MAP2: variants seen among roughly 807,000 people sequenced by gnomAD.
MAP2 encodes the protein microtubule-associated protein 2.
In MAP2, 14 loss-of-function variants were observed where a neutral mutation model predicts 137.6. That is an observed-to-expected ratio of 0.10 (90% CI 0.07 to 0.16). The LOEUF (loss-of-function observed/expected upper bound fraction) is 0.16, where lower values mean the gene tolerates loss of function less well. Ranked by LOEUF, MAP2 falls within the 10% of genes least tolerant of loss-of-function variation. The pLI, the probability that MAP2 is intolerant of heterozygous loss-of-function variation, is 1.00. For synonymous variants in MAP2, 786 were observed against 782.3 expected, an observed-to-expected ratio of 1.00 and a Z score of -0.08; for missense variants, 2,088 against 2,191.5, an observed-to-expected ratio of 0.95 and a Z score of 0.94.
Position 209,693,900 on chromosome 2 carries a change from C to T in MAP2, c.1730C>T (p.Ala577Val), listed in dbSNP as rs1224019812. 1.2e-6 allele frequency: 2 copies of T among 1,610,750 alleles called. No homozygotes were observed. Among genetic ancestry groups the T allele is most frequent in the African/African-American group, 2.7e-5 (2 of 74,648 alleles). ...ATGTCCAAGTACTTTGAAACATCTG[C>T]CTTGAAAGAAGAAGCAACAAAAAGC... The part of the protein sequence containing the change: ...SGMSKYFETS[A>V]LKEEATKSIE... Residue 577 changes from alanine to valine, a missense_variant, in exon 8 of 16, where the codon GCC becomes GTC. Coordinates refer to ENST00000682079, the MANE Select transcript of MAP2 (RefSeq NM_001375505.1).
At chr2:209,729,009 A>T (rs1352154221) in intron 14 of MAP2, among the ~76,000 whole-genome samples, 2 of 152,226 alleles carry the variant, frequency 1.3e-5, no homozygotes, top group Non-Finnish European at 2.9e-5. Context: ...GGACAGGCTC[A>T]AGGACAACGA....
chr2:209,692,773 A>G lies in MAP2; in HGVS notation c.603A>G (p.Pro201=), dbSNP rs781429450. Residue 201 remains proline (P), a synonymous_variant, in exon 8 of 16, where the codon CCA becomes CCG. Coordinates refer to ENST00000682079, the MANE Select transcript of MAP2 (RefSeq NM_001375505.1). ...DLKHAALVSQ[P]ETTKTYPDKK... ...AACATGCTGCCTTAGTTTCTCAGCC[A>G]GAGACAACTAAAACTTACCCTGATA... 1 of 1,614,086 alleles carries G rather than the reference A, an allele frequency of 6.2e-7. No homozygotes were observed. Among genetic ancestry groups the G allele is most frequent in the Non-Finnish European group, 8.5e-7 (1 of 1,179,966 alleles).
intron 1 of MAP2, among the ~76,000 whole-genome samples, chr2:209,497,174 G>T (rs564232261): frequency 6.6e-6 from 1 of 152,280 alleles, no homozygotes; most frequent in African/African-American, 2.4e-5. Context: ...GTGCCCGTGT[G>T]ACTGTTTAAA....
intron 2 of MAP2, 150 bp downstream of exon 2, chr2:209,507,791 A>G (rs1432982894): frequency 1.3e-5 from 2 of 152,160 alleles, no homozygotes; most frequent in Admixed American, 6.6e-5. Context: ...GAGTTGGCCT[A>G]CTAGCAAACA....
intron 13 of MAP2, 35 bp downstream of exon 13, chr2:209,710,289 A>G (rs1195196550): frequency 6.7e-7 from 1 of 1,484,488 alleles, no homozygotes; most frequent in Non-Finnish European, 9.2e-7. Flanking sequence ...TGCTGCCAGA[A>G]ATAATTATTA....
chr2:209,452,210 G>T (rs1008550852), intron 1 of MAP2, among the ~76,000 whole-genome samples: 2 of 152,126 alleles, frequency 1.3e-5, no homozygotes, highest in Non-Finnish European at 2.9e-5. Context: ...CTTTAGAGAT[G>T]GATCTGTGAT....
chr2:209,695,658 A>G lies in MAP2; in HGVS notation c.3488A>G (p.Asp1163Gly). 1 of 1,614,140 alleles carries G rather than the reference A, an allele frequency of 6.2e-7. No homozygotes were observed. The highest frequency in any genetic ancestry group is 8.5e-7 in the Non-Finnish European group (1 of 1,180,010). Reference protein sequence around the residue: ...ETSPESSLIQDEIAVKLSVEI... With the variant: ...ETSPESSLIQGEIAVKLSVEI... ...TCTCCAGAATCATCTCTAATTCAAG[A>G]TGAGATTGCCGTCAAATTGTCAGTG... Residue 1163 changes from aspartate to glycine, a missense_variant, in exon 8 of 16, where the codon GAT becomes GGT. This residue lies in a region of MAP2 where 591 missense variants were observed against 642.6 expected (regional missense o/e 0.92). Coordinates refer to ENST00000682079, the MANE Select transcript of MAP2 (RefSeq NM_001375505.1).
chr2:209,575,988 A>G (rs1312021068), intron 2 of MAP2, among the ~76,000 whole-genome samples: 1 of 152,238 alleles, frequency 6.6e-6, no homozygotes, highest in Non-Finnish European at 1.5e-5. Context: ...GGTAAGGAAG[A>G]TAAGTCTCCA....
At chr2:209,541,096 T>C (rs2066948092) in intron 2 of MAP2, among the ~76,000 whole-genome samples, 1 of 151,172 alleles carries the variant, frequency 6.6e-6, no homozygotes, top group African/African-American at 2.5e-5. Flanking sequence ...GATGGCACGA[T>C]CTCGGCTCAC....
chr2:209,615,809 C>T (rs2089101667), intron 3 of MAP2, among the ~76,000 whole-genome samples: 2 of 152,150 alleles, frequency 1.3e-5, no homozygotes, highest in Admixed American at 6.5e-5. Context: ...TGTGCCTACC[C>T]TTCACCTATT....
chr2:209,579,791 A>G (rs2075989864), intron 2 of MAP2: 1 of 151,994 alleles, frequency 6.6e-6, no homozygotes, highest in Non-Finnish European at 1.5e-5. Flanking sequence ...ATTTCGTTTC[A>G]TTTTCAATTC....
rs186991922 is a variant in MAP2 at position 209,654,190 on chromosome 2, A to G, written c.262+758A>G. 1.9e-3 allele frequency among the ~76,000 whole-genome samples: 295 copies of G among 152,360 alleles called. 2 individuals carry two copies. Among genetic ancestry groups the G allele is most frequent in the Middle Eastern group, 0.01 (3 of 294 alleles). Reference sequence around the variant, plus strand: ...TAAATATTTAAGGGGAACAGTGATAATATCTGTCAAACACTGCCTGAACTA... The same window carrying G: ...TAAATATTTAAGGGGAACAGTGATAGTATCTGTCAAACACTGCCTGAACTA... On this transcript the variant is annotated intron_variant, in intron 5 of 15. Coordinates refer to ENST00000682079, the MANE Select transcript of MAP2 (RefSeq NM_001375505.1).
intron 2 of MAP2, among the ~76,000 whole-genome samples, chr2:209,574,576 ACT>A (rs1292968540): frequency 6.6e-6 from 1 of 151,914 alleles, no homozygotes; most frequent in Non-Finnish European, 1.5e-5. Flanking sequence ...ATTTTGTACA[ACT>A]CACGCTACCC....
intron 2 of MAP2, among the ~76,000 whole-genome samples, chr2:209,561,116 A>G (rs975783661): frequency 2.6e-5 from 4 of 152,356 alleles, no homozygotes; most frequent in African/African-American, 7.2e-5. Flanking sequence ...CAGAGACTCA[A>G]TGATTTTACA....
At chr2:209,667,788 T>A (rs2046993137) in intron 5 of MAP2, among the ~76,000 whole-genome samples, 1 of 152,004 alleles carries the variant, frequency 6.6e-6, no homozygotes, top group Admixed American at 6.6e-5. Flanking sequence ...ACCAAGTATG[T>A]TGTATGGGTA....
At chr2:209,629,117 TAGACA>T (rs1311738315) in intron 4 of MAP2, among the ~76,000 whole-genome samples, 3 of 152,318 alleles carry the variant, frequency 2.0e-5, no homozygotes, top group South Asian at 2.1e-4. Context: ...AAAATGCACA[TAGACA>T]AATCAGGAAC....
intron 1 of MAP2, among the ~76,000 whole-genome samples, chr2:209,435,982 A>C (rs137975774): frequency 1.2e-4 from 11 of 95,250 alleles, no homozygotes; most frequent in African/African-American, 5.5e-4. Flanking sequence ...TAATATATAC[A>C]GTATATATTA....
At chr2:209,678,715 T>C (rs2053106706) in intron 6 of MAP2, 30 bp downstream of exon 6, 2 of 1,328,662 alleles carry the variant, frequency 1.5e-6, no homozygotes, top group South Asian at 2.6e-5. Flanking sequence ...GGTCAGGGAC[T>C]GTGTCTGTTG....
At chr2:209,696,382 A>C (rs2060186690) in intron 8 of MAP2, 32 bp downstream of exon 8, 1 of 1,522,838 alleles carries the variant, frequency 6.6e-7, no homozygotes, top group Admixed American at 2.3e-5. Context: ...ATTTTAACTC[A>C]AACACAATAA....
Sources: gnomAD v4.1 joint callset for allele counts (sites outside exome capture counted in the v4.1 genomes callset) on GRCh38, gnomAD v4.1.1 for gene constraint, gnomAD v4.1.1 regional missense constraint, MANE v1.5 for transcripts, NCBI Gene and HGNC (gene_info 2026-07-23, HGNC 2026-07-21) for gene names.